Variants in CDH13 observed in about 807,000 individuals in gnomAD.
The protein encoded by CDH13 is cadherin 13, also known as cadherin-13.
In CDH13, 24 loss-of-function variants were observed where a neutral mutation model predicts 63.8. The ratio of observed to expected loss-of-function variants is 0.38; its 90% CI spans 0.27 to 0.53. The LOEUF (loss-of-function observed/expected upper bound fraction) is 0.53. CDH13 is among the 20% of genes least tolerant of loss of function. The probability of loss-of-function intolerance (pLI) is 0.85; values close to 1 mark genes in which losing one functional copy is unlikely to be tolerated. For synonymous variants in CDH13, 503 were observed against 355.3 expected, an observed-to-expected ratio of 1.42 and a Z score of -4.67; for missense variants, 1,049 against 903.1, an observed-to-expected ratio of 1.16 and a Z score of -2.07.
At chr16:83,608,231 A>T (rs1384707169) in intron 8 of CDH13, among the ~76,000 whole-genome samples, 2 of 152,186 alleles carry the variant, frequency 1.3e-5, no homozygotes, top group East Asian at 3.9e-4. Flanking sequence ...TATAATAAAA[A>T]CGACATAAAA....
chr16:82,986,089 T>C (rs967602180), intron 2 of CDH13, among the ~76,000 whole-genome samples: 3 of 152,228 alleles, frequency 2.0e-5, no homozygotes, highest in African/African-American at 7.2e-5. Flanking sequence ...GACGTAAGAA[T>C]GGACTAATAC....
At chr16:82,997,682 C>T (rs548341951) in intron 2 of CDH13, among the ~76,000 whole-genome samples, 1 of 152,110 alleles carries the variant, frequency 6.6e-6, no homozygotes, top group Non-Finnish European at 1.5e-5. Context: ...GAGATTTTTC[C>T]ACAATCACAT....
intron 2 of CDH13, among the ~76,000 whole-genome samples, chr16:82,991,772 T>C (rs1911685688): frequency 6.6e-6 from 1 of 152,168 alleles, no homozygotes; most frequent in African/African-American, 2.4e-5. Flanking sequence ...CTGAGAGAAT[T>C]ATAGAAGTTT....
At chr16:83,608,129 A>G (rs1908518027) in intron 8 of CDH13, among the ~76,000 whole-genome samples, 2 of 152,234 alleles carry the variant, frequency 1.3e-5, no homozygotes, top group South Asian at 4.1e-4. Flanking sequence ...GCAATTGGTC[A>G]TTTAGATTTA....
At chr16:82,965,302 C>G (rs1342613906) in intron 2 of CDH13, among the ~76,000 whole-genome samples, 1 of 152,198 alleles carries the variant, frequency 6.6e-6, no homozygotes, top group Non-Finnish European at 1.5e-5. Flanking sequence ...AGAGAATGCT[C>G]TTCTGAGCTT....
chr16:82,794,977 T>G (rs8059696), intron 1 of CDH13, among the ~76,000 whole-genome samples: 1 of 151,984 alleles, frequency 6.6e-6, no homozygotes, highest in East Asian at 1.9e-4. Flanking sequence ...CTCCCAGTCC[T>G]GAGAGATTCT....
intron 6 of CDH13, among the ~76,000 whole-genome samples, chr16:83,443,705 GAAAAAAAAA>G (rs1167862979): frequency 9.3e-6 from 1 of 107,118 alleles, no homozygotes; most frequent in African/African-American, 4.2e-5. Context: ...AAGTCCCTAC[GAAAAAAAAA>G]AAAAAAAAAA....
chr16:82,951,657 C>T (rs1905314944), intron 2 of CDH13, among the ~76,000 whole-genome samples: 1 of 152,214 alleles, frequency 6.6e-6, no homozygotes, highest in Admixed American at 6.5e-5. Flanking sequence ...CCACAACTCT[C>T]CCAGGCTTGG....
chr16:83,398,750 A>T (rs565872894), intron 6 of CDH13, among the ~76,000 whole-genome samples: 2 of 152,324 alleles, frequency 1.3e-5, no homozygotes, highest in South Asian at 4.2e-4. Context: ...AAAGAGAGAG[A>T]AAATAATACA....
intron 2 of CDH13, among the ~76,000 whole-genome samples, chr16:82,970,632 C>G (rs1401150603): frequency 5.1e-5 from 6 of 117,376 alleles, no homozygotes; most frequent in Non-Finnish European, 1.2e-4. Flanking sequence ...ATCTCCTGAC[C>G]TCATGATCCA....
intron 1 of CDH13, among the ~76,000 whole-genome samples, chr16:82,709,766 A>G (rs2031771203): frequency 1.3e-5 from 2 of 152,192 alleles, no homozygotes; most frequent in Admixed American, 1.3e-4. Context: ...TAGTATCTAC[A>G]GGGTGGGCCA....
At chr16:82,730,824 C>T (rs916590159) in intron 1 of CDH13, among the ~76,000 whole-genome samples, 1 of 152,074 alleles carries the variant, frequency 6.6e-6, no homozygotes, top group African/African-American at 2.4e-5. Flanking sequence ...CAGTCCAGCC[C>T]AGATTTGTTA....
At chr16:82,977,641 C>T (rs1334716951) in intron 2 of CDH13, among the ~76,000 whole-genome samples, 1 of 152,174 alleles carries the variant, frequency 6.6e-6, no homozygotes, top group Non-Finnish European at 1.5e-5. Flanking sequence ...AATTGAACCT[C>T]TTTCCTTTAT....
At chr16:82,748,781 C>A (rs1340742511) in intron 1 of CDH13, among the ~76,000 whole-genome samples, 2 of 152,080 alleles carry the variant, frequency 1.3e-5, no homozygotes, top group African/African-American at 2.4e-5. Context: ...GGTAGAAGAC[C>A]TGTGGATTGG....
chr16:82,629,217 C>T (rs151286636), intron 1 of CDH13, among the ~76,000 whole-genome samples: 2 of 152,306 alleles, frequency 1.3e-5, no homozygotes, highest in East Asian at 3.9e-4. Flanking sequence ...TCACCCAGGG[C>T]CAGGCTGGCA....
At position 83,299,491 on chromosome 16, in the gene CDH13, G is replaced by C. The variant is rs537327351; in HGVS notation, c.637-45371G>C. ...TCCCCCAAGTCTCCATCACTCATCT[G>C]CTTTTCCGTGGCATGTCATTCATCC... is the stretch of plus-strand genomic sequence containing the variant. On this transcript the variant is annotated intron_variant, in intron 5 of 13. Coordinates refer to ENST00000567109, the MANE Select transcript of CDH13 (RefSeq NM_001257.5). Among the ~76,000 whole-genome samples the C allele has an allele frequency of 3.7e-4, 56 of 152,256 alleles. 1 individual carries two copies. Among genetic ancestry groups the C allele is most frequent in the Middle Eastern group, 3.4e-3 (1 of 294 alleles).
chr16:83,526,744 C>G (rs2074971263), intron 7 of CDH13, among the ~76,000 whole-genome samples: 1 of 152,316 alleles, frequency 6.6e-6, no homozygotes, highest in South Asian at 2.1e-4. Context: ...CAATCTTCTG[C>G]TTTACCTTCT....
intron 4 of CDH13, among the ~76,000 whole-genome samples, chr16:83,149,685 G>A (rs1355454531): frequency 6.6e-6 from 1 of 152,130 alleles, no homozygotes; most frequent in African/African-American, 2.4e-5. Context: ...ATCATCAGTA[G>A]CAATTTCTCA....
chr16:83,264,566 G>GTT (rs1468103138), intron 5 of CDH13, among the ~76,000 whole-genome samples: 1 of 151,040 alleles, frequency 6.6e-6, no homozygotes, highest in Non-Finnish European at 1.5e-5. Context: ...GTGTGTGTGT[G>GTT]TATACATATG....
Sources: allele counts gnomAD v4.1 joint callset (sites outside exome capture counted in the v4.1 genomes callset), GRCh38; gene constraint gnomAD v4.1.1; transcripts MANE v1.5; gene names NCBI Gene and HGNC (gene_info 2026-07-23, HGNC 2026-07-21).